The following ST6GALNAC3 variants were observed in gnomAD, a reference collection of about 807,000 sequenced individuals.
The protein encoded by ST6GALNAC3 is alpha-N-acetylgalactosaminide alpha-2,6-sialyltransferase 3.
A neutral mutation model predicts 32.7 loss-of-function variants in ST6GALNAC3; 25 were observed. The ratio of observed to expected loss-of-function variants is 0.76; its 90% CI spans 0.56 to 1.07. The LOEUF is 1.07. ST6GALNAC3 is among the 50% of genes least tolerant of loss of function. ST6GALNAC3 has a pLI of 0.00. For missense variants in ST6GALNAC3, 355 were observed against 382.4 expected, an observed-to-expected ratio of 0.93 and a Z score of 0.60; for synonymous variants, 129 against 133.1, an observed-to-expected ratio of 0.97 and a Z score of 0.21.
intron 3 of ST6GALNAC3, among the ~76,000 whole-genome samples, chr1:76,515,365 A>T (rs1397983697): frequency 6.6e-6 from 1 of 151,992 alleles, no homozygotes; most frequent in Non-Finnish European, 1.5e-5. Context: ...TTTTATCTTT[A>T]AAAAAACCAA....
chr1:76,119,434 G>A (rs1288140720), intron 1 of ST6GALNAC3, among the ~76,000 whole-genome samples: 2 of 152,166 alleles, frequency 1.3e-5, no homozygotes, highest in African/African-American at 4.8e-5. Context: ...TCCATTGAGG[G>A]TCGTATTTAA....
At chr1:76,336,632 A>G (rs1038941536) in intron 2 of ST6GALNAC3, among the ~76,000 whole-genome samples, 1 of 152,228 alleles carries the variant, frequency 6.6e-6, no homozygotes, top group Non-Finnish European at 1.5e-5. Context: ...ACTGGTCCAC[A>G]TGAAAACAGC....
chr1:76,184,518 A>AACAC (rs1653409192), intron 1 of ST6GALNAC3, among the ~76,000 whole-genome samples: 1 of 68,862 alleles, frequency 1.5e-5, no homozygotes, highest in South Asian at 7.4e-4. Flanking sequence ...CCTCCTGGGC[A>AACAC]GCACACACAC....
chr1:76,142,904 T>C (rs1451973587), intron 1 of ST6GALNAC3: 1 of 455,268 alleles, frequency 2.2e-6, no homozygotes, highest in East Asian at 7.0e-5. Context: ...ACATGGAGGA[T>C]TAGATCTGGG....
intron 1 of ST6GALNAC3, among the ~76,000 whole-genome samples, chr1:76,153,142 A>G (rs1320541011): frequency 6.6e-6 from 1 of 152,148 alleles, no homozygotes; most frequent in East Asian, 1.9e-4. Context: ...TGGATATGTC[A>G]TGCTTTTTCA....
chr1:76,398,279 C>T (rs1653139539), intron 2 of ST6GALNAC3, among the ~76,000 whole-genome samples: 2 of 152,134 alleles, frequency 1.3e-5, no homozygotes, highest in African/African-American at 4.8e-5. Flanking sequence ...TGACAATCTC[C>T]TAGAGATGGA....
At chr1:76,312,834 C>T (rs1230278003) in intron 1 of ST6GALNAC3, among the ~76,000 whole-genome samples, 6 of 152,170 alleles carry the variant, frequency 3.9e-5, no homozygotes, top group African/African-American at 7.2e-5. Flanking sequence ...AACTACTGTA[C>T]GCCTATGAGT....
intron 2 of ST6GALNAC3, among the ~76,000 whole-genome samples, chr1:76,409,026 T>A (rs1056931470): frequency 6.6e-6 from 1 of 152,158 alleles, no homozygotes; most frequent in African/African-American, 2.4e-5. Flanking sequence ...AATATTATGT[T>A]CTTCTCTATT....
At chr1:76,454,971 T>C (rs1487240896) in intron 3 of ST6GALNAC3, among the ~76,000 whole-genome samples, 1 of 152,086 alleles carries the variant, frequency 6.6e-6, no homozygotes, top group African/African-American at 2.4e-5. Context: ...GTTAGTTTTG[T>C]ATTACATAGG....
intron 2 of ST6GALNAC3, among the ~76,000 whole-genome samples, chr1:76,376,404 G>A (rs763646198): frequency 2.0e-5 from 3 of 152,084 alleles, no homozygotes; most frequent in Non-Finnish European, 4.4e-5. Flanking sequence ...TCAAGATACA[G>A]AACAGTTCTA....
intron 1 of ST6GALNAC3, among the ~76,000 whole-genome samples, chr1:76,144,143 A>G (rs902001251): frequency 6.6e-6 from 1 of 152,110 alleles, no homozygotes; most frequent in African/African-American, 2.4e-5. Context: ...AAACCTCATG[A>G]GAAGCATGGG....
intron 3 of ST6GALNAC3, among the ~76,000 whole-genome samples, chr1:76,416,627 G>GT (rs758529243): frequency 0.37 from 42,185 of 113,162 alleles, 9,578 homozygotes; most frequent in East Asian, 0.67. Flanking sequence ...TGTGGGTTTT[G>GT]TTTTTTTTTT....
At chr1:76,314,082 A>G (rs113257586) in intron 2 of ST6GALNAC3, 83 bp downstream of exon 2, 1 of 1,338,370 alleles carries the variant, frequency 7.5e-7, no homozygotes, top group Non-Finnish European at 1.0e-6. Context: ...CTTCCAACTC[A>G]CTGAACTTAC....
At chr1:76,558,396 A>C (rs1462449236) in intron 3 of ST6GALNAC3, among the ~76,000 whole-genome samples, 1 of 152,188 alleles carries the variant, frequency 6.6e-6, no homozygotes, top group African/African-American at 2.4e-5. Flanking sequence ...ACACCATGGA[A>C]TACTAAGCAG....
intron 1 of ST6GALNAC3, among the ~76,000 whole-genome samples, chr1:76,083,315 A>T (rs1186365212): frequency 1.3e-5 from 2 of 152,264 alleles, no homozygotes; most frequent in Non-Finnish European, 2.9e-5. Flanking sequence ...TGCGGTGAGC[A>T]GGGCTGTGAT....
chr1:76,165,444 TGTCTTTACAA>T (rs1652063119), intron 1 of ST6GALNAC3, among the ~76,000 whole-genome samples: 1 of 152,204 alleles, frequency 6.6e-6, no homozygotes, highest in Admixed American at 6.5e-5. Flanking sequence ...GTTGATTCAA[TGTCTTTACAA>T]GTGTGAACAG....
At chr1:76,282,846 T>G (rs1050941339) in intron 1 of ST6GALNAC3, among the ~76,000 whole-genome samples, 1 of 145,868 alleles carries the variant, frequency 6.9e-6, no homozygotes, top group Non-Finnish European at 1.5e-5. Context: ...CTGGCCAACA[T>G]GGTGACATCC....
At chr1:76,339,688 A>G (rs949696392) in intron 2 of ST6GALNAC3, among the ~76,000 whole-genome samples, 2 of 152,184 alleles carry the variant, frequency 1.3e-5, no homozygotes, top group Non-Finnish European at 2.9e-5. Flanking sequence ...TTGAGTGCCT[A>G]CTATGTGTCC....
chr1:76,535,753 A>G (rs1311185145), intron 3 of ST6GALNAC3, among the ~76,000 whole-genome samples: 2 of 152,162 alleles, frequency 1.3e-5, no homozygotes, highest in African/African-American at 4.8e-5. Context: ...AATATTGGAT[A>G]AACCATTATT....
Sources: gnomAD v4.1 joint callset for allele counts (sites outside exome capture counted in the v4.1 genomes callset) on GRCh38, gnomAD v4.1.1 for gene constraint, MANE v1.5 for transcripts, NCBI Gene and HGNC (gene_info 2026-07-23, HGNC 2026-07-21) for gene names.